SKI: variants seen among roughly 807,000 people sequenced by gnomAD.
SKI encodes ski oncogene.
In SKI, 23 loss-of-function variants were observed where a neutral mutation model predicts 59.3. That is an observed-to-expected ratio of 0.39 (90% confidence interval 0.28 to 0.55). SKI has a LOEUF of 0.55. Among genes scored for constraint, SKI ranks in the 20% least tolerant of loss-of-function variants. SKI has a pLI of 0.67. For missense variants in SKI, 1,017 were observed against 1,038.9 expected (o/e 0.98, Z 0.29); for synonymous variants, 673 against 488.6 (o/e 1.38, Z -4.98).
At position 2,268,994 on chromosome 1, in the gene SKI, C is replaced by G. The variant is rs549312507; in HGVS notation, c.970-33984C>G. Among the ~76,000 whole-genome samples the G allele has an allele frequency of 6.6e-6, 1 of 152,252 alleles. No homozygotes were observed. Among genetic ancestry groups the G allele is most frequent in the East Asian group, 1.9e-4 (1 of 5,184 alleles). ...AGGGTCTGGCTCTGGCTCTGTCACC[C>G]AGGCTGGAGTGCAGCAGCACAGTCT... On this transcript the variant is annotated intron_variant, in intron 1 of 6. Transcript: ENST00000378536. This position sits in a 1 kb window ranked among gnomAD's most constrained non-coding sequence, Gnocchi z 5.0.
rs1429085962 is a variant in SKI, at chr1:2,304,370, G to A, written c.1552G>A (p.Ala518Thr). 3.9e-6 allele frequency: 6 copies of A among 1,551,842 alleles called. No individual in the cohort carries two copies. Among genetic ancestry groups the A allele is most frequent in the Middle Eastern group, 1.7e-4 (1 of 5,992 alleles). ...SSAKDLGSPG[A>T]RALPSAVPDA... ...CGCCAAGGACCTGGGCTCCCCGGGTGCGCGTGCCCTGCCCTCGGCCGTCCC... is the reference window on the plus strand; with the variant it reads ...CGCCAAGGACCTGGGCTCCCCGGGTACGCGTGCCCTGCCCTCGGCCGTCCC... The change falls in exon 5 of 7, where the codon GCG becomes ACG. Residue 518 changes from alanine to threonine, a missense_variant. Transcript: ENST00000378536.
At chr1:2,302,946 C>G (rs759287900) in intron 1 of SKI, 32 bp from the exon 2 acceptor site, 2 of 1,613,210 alleles carry the variant, frequency 1.2e-6, no homozygotes, top group Non-Finnish European at 1.7e-6. Context: ...CTGGGAACCA[C>G]AGGTGCCAAC....
chr1:2,228,805 G>C lies in SKI; in HGVS notation c.39G>C (p.Pro13=), dbSNP rs775343086. The stretch of plus-strand genomic sequence containing the variant: ...CAGGCGGCCGCGGCTGTTTCCAGCC[G>C]CACCCGGGGCTGCAGAAGACGCTGG... ...AAAGGRGCFQ[P]HPGLQKTLEQ... The change falls in exon 1 of 7, where the codon CCG becomes CCC. Residue 13 remains proline, a synonymous_variant. Coordinates refer to ENST00000378536, the MANE Select transcript of SKI (RefSeq NM_003036.4). 7.5e-7 allele frequency: 1 copy of C among 1,336,928 alleles called. No individual in the cohort carries two copies. The allele number at this position is 1,336,928 out of a possible 1,614,324, so 82.8% of individuals were successfully genotyped here.
chr1:2,243,273 T>C (rs263525), intron 1 of SKI, among the ~76,000 whole-genome samples: 152,213 of 152,402 alleles, frequency 1, 76,013 homozygotes, highest in Middle Eastern at 1. Context: ...TTCGTGACCA[T>C]GTGCTGGCTG....
At chr1:2,276,438 G>C (rs140112006) in intron 1 of SKI, among the ~76,000 whole-genome samples, 26 of 152,358 alleles carry the variant, frequency 1.7e-4, no homozygotes, top group Admixed American at 6.5e-4. Flanking sequence ...CTGCTCTCCT[G>C]GCCCCTGGGC....
rs3065260 is a variant in SKI at position 2,260,535 on chromosome 1, CTTT to C, written c.969+30821_969+30823del. Among the ~76,000 whole-genome samples the C allele has an allele frequency of 3.2e-3, 220 of 67,816 alleles. 4 individuals carry two copies. The highest frequency in any genetic ancestry group is 7.7e-3 in the African/African-American group (124 of 16,146). 44.5% of individuals were successfully genotyped at this position (67,816 alleles called of 152,430 possible). A position where few individuals can be genotyped will look rare whatever the true frequency, so the allele number is the denominator to read the frequency against. ...TCCAATTTTTCAGTTTGTTCTTTTT[CTTT>C]TTTTTTTTTTTTTTTTTTTTGAGAC... On this transcript the variant is annotated intron_variant, in intron 1 of 6. Coordinates refer to ENST00000378536, the MANE Select transcript of SKI (RefSeq NM_003036.4).
chr1:2,304,151 G>A (rs1250588838), intron 4 of SKI, 49 bp downstream of exon 4: 1 of 1,606,146 alleles, frequency 6.2e-7, no homozygotes, highest in South Asian at 1.1e-5. Flanking sequence ...CTGTGGGGGT[G>A]GCACTGGCTG....
At chr1:2,294,668 A>G (rs1640244340) in intron 1 of SKI, among the ~76,000 whole-genome samples, 2 of 152,270 alleles carry the variant, frequency 1.3e-5, no homozygotes, top group Admixed American at 6.5e-5. Flanking sequence ...AGGGATGGCT[A>G]TGCATGTTTG....
At position 2,229,373 on chromosome 1, in the gene SKI, C is replaced by T. The variant is rs748376935; in HGVS notation, c.607C>T (p.Leu203=). ...GAYPPPCKKE[L]AASLALGLEL... is the part of the protein sequence containing the mutation. ...CTACCCGCCGCCCTGCAAGAAGGAG[C>T]TGGCCGCCAGCCTGGCGCTGGGCCT... is the stretch of plus-strand genomic sequence containing the variant. Residue 203 remains leucine (L), a synonymous_variant, in exon 1 of 7, where the codon CTG becomes TTG. Coordinates refer to ENST00000378536, the MANE Select transcript of SKI (RefSeq NM_003036.4). The surrounding 1 kb of genome is among the most constrained non-coding windows in gnomAD (Gnocchi z 6.3). 11 of 1,601,100 alleles carry T rather than the reference C, an allele frequency of 6.9e-6. No individual in the cohort carries two copies. Among genetic ancestry groups the T allele is most frequent in the Non-Finnish European group, 9.4e-6 (11 of 1,174,130 alleles).
At chr1:2,241,838 G>A (rs929991406) in intron 1 of SKI, among the ~76,000 whole-genome samples, 1 of 152,188 alleles carries the variant, frequency 6.6e-6, no homozygotes, top group Non-Finnish European at 1.5e-5. Flanking sequence ...GGCAATTTCC[G>A]GACACCAGCC....
chr1:2,249,754 A>G (rs868629759), intron 1 of SKI, among the ~76,000 whole-genome samples: 17 of 152,228 alleles, frequency 1.1e-4, no homozygotes, highest in Admixed American at 1.1e-3. Flanking sequence ...CTCCTGCTCA[A>G]CAGGCCACAG....
Position 2,229,117 on chromosome 1 carries a change from C to G in SKI, c.351C>G (p.Gly117=). 1.2e-6 allele frequency: 2 copies of G among 1,610,360 alleles called. No individual in the cohort carries two copies. The highest frequency in any genetic ancestry group is 1.1e-5 in the South Asian group (1 of 91,072). ...CCATCTCGTGCTTCGTGGTGGGAGGCGAGAAGCGCCTGTGTCTGCCGCAGA... is the reference window on the plus strand; with the variant it reads ...CCATCTCGTGCTTCGTGGTGGGAGGGGAGAAGCGCCTGTGTCTGCCGCAGA... The part of the protein sequence containing the change: ...GETISCFVVG[G]EKRLCLPQIL... The change falls in exon 1 of 7, where the codon GGC becomes GGG. Residue 117 remains glycine, a synonymous_variant. Transcript: ENST00000378536. This position sits in a 1 kb window ranked among gnomAD's most constrained non-coding sequence, Gnocchi z 6.3.
chr1:2,251,923 C>T (rs1639159949), intron 1 of SKI, among the ~76,000 whole-genome samples: 1 of 152,208 alleles, frequency 6.6e-6, no homozygotes, highest in Non-Finnish European at 1.5e-5. Flanking sequence ...GCTTATCTGG[C>T]CTCGTCTCTG....
intron 1 of SKI, among the ~76,000 whole-genome samples, chr1:2,232,149 T>C (rs527545950): frequency 6.6e-6 from 1 of 152,392 alleles, no homozygotes; most frequent in East Asian, 1.9e-4. Context: ...CAGCTTATTC[T>C]CGGGATATGT....
chr1:2,235,972 T>C (rs1358427092), intron 1 of SKI, among the ~76,000 whole-genome samples: 1 of 152,242 alleles, frequency 6.6e-6, no homozygotes, highest in African/African-American at 2.4e-5. Flanking sequence ...GAGAGGCGTC[T>C]CGGCGTGATC....
In SKI at chr1:2,264,568, C is replaced by T. The variant is rs967921767; in HGVS notation, c.969+34833C>T. Among the ~76,000 whole-genome samples the T allele has an allele frequency of 9.2e-5, 14 of 151,434 alleles. No homozygotes were observed. In the East Asian group the frequency reaches 2.7e-3, roughly 30 times the overall value. ...ACAGGGGTGAGCCACTGCGTCCGGC[C>T]TGTTTTATTTTTTTGTAGAGATGGG... On this transcript the variant is annotated intron_variant, in intron 1 of 6. Coordinates refer to ENST00000378536, the MANE Select transcript of SKI (RefSeq NM_003036.4).
At chr1:2,298,336 C>G (rs1640338967) in intron 1 of SKI, among the ~76,000 whole-genome samples, 1 of 152,184 alleles carries the variant, frequency 6.6e-6, no homozygotes, top group Non-Finnish European at 1.5e-5. Flanking sequence ...CTGCGAAGTT[C>G]CCTGTGGTTG....
intron 1 of SKI, among the ~76,000 whole-genome samples, chr1:2,286,541 A>G (rs1640043535): frequency 6.6e-6 from 1 of 152,238 alleles, no homozygotes; most frequent in Admixed American, 6.5e-5. Context: ...AACTTGTGGA[A>G]TCATCAAAAT....
intron 1 of SKI, among the ~76,000 whole-genome samples, chr1:2,291,296 G>A (rs1569832786): frequency 6.6e-6 from 1 of 152,384 alleles, no homozygotes; most frequent in South Asian, 2.1e-4. Flanking sequence ...GTGAGGTTTT[G>A]CAGGGCTGTG....
Sources: allele counts gnomAD v4.1 joint callset (sites outside exome capture counted in the v4.1 genomes callset), GRCh38; gene constraint gnomAD v4.1.1; non-coding constraint Gnocchi (gnomAD v3.1); transcripts MANE v1.5; gene names NCBI Gene and HGNC (gene_info 2026-07-23, HGNC 2026-07-21).